The following VPS28 variants were observed in gnomAD, a reference collection of about 807,000 sequenced individuals.
The protein encoded by VPS28 is vacuolar protein sorting-associated protein 28 homolog.
In VPS28, 29 loss-of-function variants were observed where a neutral mutation model predicts 33.7. The observed-to-expected ratio is 0.86, with a 90% CI of 0.64 to 1.17. The LOEUF (loss-of-function observed/expected upper bound fraction) is 1.17, where lower values mean the gene tolerates loss of function less well. Among genes scored for constraint, VPS28 ranks in the 50% most tolerant of loss-of-function variants. VPS28 has a pLI of 0.00. For synonymous variants in VPS28, 164 were observed against 116.7 expected (o/e 1.40, Z -2.61); for missense variants, 247 against 312.2 (o/e 0.79, Z 1.57).
At chr8:144,425,653 G>A (rs781808714) in intron 5 of VPS28, 30 bp downstream of exon 5, 1 of 1,611,340 alleles carries the variant, frequency 6.2e-7, no homozygotes, top group Non-Finnish European at 8.5e-7. Flanking sequence ...CCCAGGGCAG[G>A]AACAGACCTC....
intron 1 of VPS28, among the ~76,000 whole-genome samples, chr8:144,427,490 G>A (rs782010943): frequency 6.6e-6 from 1 of 152,132 alleles, no homozygotes; most frequent in African/African-American, 2.4e-5. Flanking sequence ...GGCTGCAGTG[G>A]AGTGTGGTTC....
chr8:144,426,752 C>T, intron 2 of VPS28, 157 bp downstream of exon 2: 1 of 744,850 alleles, frequency 1.3e-6, no homozygotes, highest in Middle Eastern at 2.4e-4. Flanking sequence ...TCTGAGCCCT[C>T]AGTGCTCCTG....
Position 144,423,821 on chromosome 8 carries a change from C to T in VPS28, c.650G>A (p.Arg217His). The change falls in exon 10 of 10, where the codon CGC (arginine) becomes CAC (histidine). Residue 217 changes from arginine to histidine, a missense_variant. Around this residue, in one of 3 missense-constraint regions of VPS28, gnomAD observed 95 missense variants for 118.3 expected, o/e 0.80. Coordinates refer to ENST00000292510, the MANE Select transcript of VPS28 (RefSeq NM_016208.4). Reference protein sequence around the residue: ...DLESAYNAFNRFLHA With the variant: ...DLESAYNAFNHFLHA ...GCCCCGGGCTCAGGCATGCAGGAAGCGGTTGAAGGCGTTGTAGGCTGACTC... is the reference window on the plus strand; with the variant it reads ...GCCCCGGGCTCAGGCATGCAGGAAGTGGTTGAAGGCGTTGTAGGCTGACTC... 1 of 1,613,108 alleles carries T rather than the reference C, an allele frequency of 6.2e-7. No individual in the cohort carries two copies. The highest frequency in any genetic ancestry group is 8.5e-7 in the Non-Finnish European group (1 of 1,180,026).
chr8:144,428,036 G>A (rs1410127158), intron 1 of VPS28, among the ~76,000 whole-genome samples: 1 of 152,180 alleles, frequency 6.6e-6, no homozygotes, highest in Non-Finnish European at 1.5e-5. Flanking sequence ...GAGCAGAAGT[G>A]AGGGAAGGCC....
chr8:144,426,001 G>A (rs1439978039), intron 4 of VPS28, 25 bp downstream of exon 4: 2 of 1,495,306 alleles, frequency 1.3e-6, no homozygotes, highest in Non-Finnish European at 1.8e-6. Flanking sequence ...GGGTGTGTTG[G>A]GACAGCCTGG....
chr8:144,424,629 C>G, intron 7 of VPS28, 89 bp downstream of exon 7: 2 of 1,389,088 alleles, frequency 1.4e-6, no homozygotes, highest in Non-Finnish European at 1.0e-6. Flanking sequence ...TGCTGCTCAG[C>G]TCTGGAGGCC....
At chr8:144,425,440 G>A in intron 5 of VPS28, 1 of 582,698 alleles carries the variant, frequency 1.7e-6, no homozygotes, top group Non-Finnish European at 3.1e-6. Context: ...TTTTAAGGTT[G>A]CCTGTGCTGG....
intron 2 of VPS28, 193 bp from the exon 3 acceptor site, chr8:144,426,401 T>C: frequency 4.3e-6 from 3 of 701,838 alleles, no homozygotes; most frequent in Non-Finnish European, 6.6e-6. Flanking sequence ...ATAACACCTC[T>C]GAGAAGCCGG....
intron 6 of VPS28, 57 bp from the exon 7 acceptor site, chr8:144,424,876 G>A (rs1822617513): frequency 1.2e-6 from 2 of 1,612,432 alleles, no homozygotes; most frequent in East Asian, 2.2e-5. Flanking sequence ...CAGGTGGCCA[G>A]AGCCCTCTGG....
chr8:144,426,875 G>A (rs782121532), intron 2 of VPS28, 34 bp downstream of exon 2: 16 of 1,611,100 alleles, frequency 9.9e-6, no homozygotes, highest in South Asian at 4.4e-5. Context: ...CTGCAGAAGC[G>A]GCTGAAAGCC....
chr8:144,424,230 G>T lies in VPS28; in HGVS notation c.441C>A (p.Ile147=). ...ITVMDKLRLE[I]RAMDEIQPDL... Reference sequence around the variant, plus strand: ...ATACCCGCACCTCATCCATGGCGCGGATCTCCAGACGCAGCTTGTCCATGA... The same window carrying T: ...ATACCCGCACCTCATCCATGGCGCGTATCTCCAGACGCAGCTTGTCCATGA... The change falls in exon 8 of 10, where the codon ATC becomes ATA. Residue 147 remains isoleucine, a synonymous_variant. Transcript: ENST00000292510. 1.2e-6 allele frequency: 2 copies of T among 1,606,282 alleles called. No homozygotes were observed. Among genetic ancestry groups the T allele is most frequent in the Non-Finnish European group, 1.7e-6 (2 of 1,175,500 alleles).
Position 144,426,952 on chromosome 8 carries a change from G to C in VPS28, c.-7C>G, listed in dbSNP as rs116600690. 2,025 of 1,612,328 alleles carry C rather than the reference G, an allele frequency of 1.3e-3. 18 individuals are homozygous for C. The African/African-American group carries it at 0.019, about 15-fold the overall frequency. On this transcript the variant is annotated 5_prime_UTR_variant, in exon 2 of 10. Coordinates refer to ENST00000292510, the MANE Select transcript of VPS28 (RefSeq NM_016208.4). The stretch of plus-strand genomic sequence containing the variant: ...CTGGGATCCCATGAAACATCCTCTA[G>C]GCTCTGGGGGGGGCACAGCACTGAG...
chr8:144,426,506 G>A (rs1442292022), intron 2 of VPS28: 2 of 453,036 alleles, frequency 4.4e-6, no homozygotes, highest in Admixed American at 8.2e-5. Flanking sequence ...CGGCTCCCCG[G>A]GGGACCGCAT....
chr8:144,427,132 T>C (rs1822819375), intron 1 of VPS28, 153 bp from the exon 2 acceptor site: 1 of 491,140 alleles, frequency 2.0e-6, no homozygotes, highest in South Asian at 2.2e-5. Context: ...AAACCCTGTC[T>C]CTACTAAAAT....
At chr8:144,425,969 C>CCT (rs1822708085) in intron 4 of VPS28, 57 bp downstream of exon 4, 1 of 1,470,494 alleles carries the variant, frequency 6.8e-7, no homozygotes, top group Admixed American at 2.4e-5. Context: ...GAGGGGCTGC[C>CCT]CCAGGGCAGC....
chr8:144,427,662 G>C (rs1373904062), intron 1 of VPS28, among the ~76,000 whole-genome samples: 13 of 152,170 alleles, frequency 8.5e-5, no homozygotes, highest in African/African-American at 2.9e-4. Flanking sequence ...CGAAAGAGGG[G>C]GTCCTAGGGA....
chr8:144,425,015 G>C lies in VPS28; in HGVS notation c.231C>G (p.Tyr77Ter). Residue 77 changes from tyrosine to a stop codon, truncating the protein, a stop_gained, in exon 6 of 10, where the codon TAC becomes TAG. Transcript: ENST00000292510. LOFTEE classifies it high-confidence loss of function. ...CCTGGACCTGCCTGAAGGCAGCTTTGTATTGGACCAGGAGCCGGGAGCAGG... is the reference window on the plus strand; with the variant it reads ...CCTGGACCTGCCTGAAGGCAGCTTTCTATTGGACCAGGAGCCGGGAGCAGG... ...TAACSRLLVQ[Y>*]KAAFRQVQGS... is the part of the protein sequence containing the mutation. 1.3e-6 allele frequency: 2 copies of C among 1,554,110 alleles called. No individual in the cohort carries two copies. The highest frequency in any genetic ancestry group is 1.7e-6 in the Non-Finnish European group (2 of 1,148,094).
chr8:144,426,554 GC>G (rs1238601159), intron 2 of VPS28: 10 of 433,584 alleles, frequency 2.3e-5, no homozygotes, highest in Admixed American at 1.7e-4. Context: ...TGGCTCCCTG[GC>G]GGAGTCACCT....
intron 1 of VPS28, among the ~76,000 whole-genome samples, chr8:144,427,801 G>A (rs933166748): frequency 2.0e-5 from 3 of 152,256 alleles, no homozygotes; most frequent in Non-Finnish European, 4.4e-5. Context: ...TGAAAGTGGA[G>A]CCGTCAGATC....
Sources: allele counts gnomAD v4.1 joint callset (sites outside exome capture counted in the v4.1 genomes callset), GRCh38; gene constraint gnomAD v4.1.1; regional missense constraint gnomAD v4.1.1; transcripts MANE v1.5; gene names NCBI Gene and HGNC (gene_info 2026-07-23, HGNC 2026-07-21).